ADAMTS19: variants seen among roughly 807,000 people sequenced by gnomAD.
The protein encoded by ADAMTS19 is ADAM metallopeptidase with thrombospondin type 1 motif 19.
Under a neutral mutation model 153.3 loss-of-function variants are expected in ADAMTS19, and 93 were observed. That is an observed-to-expected ratio of 0.61 (90% CI 0.51 to 0.72). The LOEUF is 0.72. ADAMTS19 is among the 30% of genes least tolerant of loss of function. ADAMTS19 has a pLI of 0.00. For missense variants in ADAMTS19, 1,482 were observed against 1,552.1 expected, an observed-to-expected ratio of 0.95 and a Z score of 0.76; for synonymous variants, 600 against 556.6, an observed-to-expected ratio of 1.08 and a Z score of -1.10.
At chr5:129,503,071 G>A (rs1049970111) in intron 2 of ADAMTS19, among the ~76,000 whole-genome samples, 1 of 152,168 alleles carries the variant, frequency 6.6e-6, no homozygotes, top group Admixed American at 6.6e-5. Context: ...ATGTAATCAT[G>A]CAACTAAAGG....
At position 129,736,919 on chromosome 5, in the gene ADAMTS19, GTA is replaced by G. The variant is rs1218345821; in HGVS notation, c.3491-146_3491-145del. On this transcript the variant is annotated intron_variant, in intron 22 of 22. Transcript: ENST00000274487. The stretch of plus-strand genomic sequence containing the variant: ...AATCATAGGAGGTGTGTATGTGTGT[GTA>G]TCTCTTTCTTGTTTAAATTCCAGAA... 1.2e-3 allele frequency: 704 copies of G among 596,310 alleles called. 8 individuals carry two copies. The highest frequency in any genetic ancestry group is 1.4e-4 in the Non-Finnish European group (56 of 387,334). The allele number at this position is 596,310 out of a possible 1,614,324, so 36.9% of individuals were successfully genotyped here.
chr5:129,712,276 A>C (rs1756518354), intron 21 of ADAMTS19, among the ~76,000 whole-genome samples: 1 of 152,206 alleles, frequency 6.6e-6, no homozygotes, highest in Admixed American at 6.5e-5. Flanking sequence ...TCATCTAAAG[A>C]AATCAAAGAT....
chr5:129,472,805 T>C (rs965165853), intron 2 of ADAMTS19, among the ~76,000 whole-genome samples: 2 of 150,130 alleles, frequency 1.3e-5, no homozygotes, highest in Middle Eastern at 3.3e-3. Flanking sequence ...TTTATATTTA[T>C]GTATTATCTA....
intron 7 of ADAMTS19, among the ~76,000 whole-genome samples, chr5:129,591,624 T>G (rs1019819949): frequency 1.3e-5 from 2 of 152,014 alleles, no homozygotes; most frequent in African/African-American, 4.8e-5. Flanking sequence ...TACTCAGCAT[T>G]TTTGCACCTT....
At chr5:129,540,717 A>G (rs554076885) in intron 6 of ADAMTS19, among the ~76,000 whole-genome samples, 30 of 152,220 alleles carry the variant, frequency 2.0e-4, no homozygotes, top group African/African-American at 7.2e-4. Flanking sequence ...CCCAGGCACT[A>G]TTAAACTCTA....
chr5:129,617,585 G>A (rs181626634), intron 8 of ADAMTS19, among the ~76,000 whole-genome samples: 1 of 152,004 alleles, frequency 6.6e-6, no homozygotes, highest in Admixed American at 6.6e-5. Context: ...AGTCAAGCAC[G>A]TTCCACATGG....
chr5:129,538,409 T>C (rs1216943691), intron 6 of ADAMTS19, among the ~76,000 whole-genome samples: 1 of 152,136 alleles, frequency 6.6e-6, no homozygotes, highest in East Asian at 1.9e-4. Context: ...TTATTCCTTA[T>C]TTCCAATGCC....
At chr5:129,723,142 A>G (rs1052048629) in intron 21 of ADAMTS19, among the ~76,000 whole-genome samples, 1 of 152,206 alleles carries the variant, frequency 6.6e-6, no homozygotes, top group Non-Finnish European at 1.5e-5. Context: ...ATAAGAGATC[A>G]TGTCTGTATC....
intron 6 of ADAMTS19, among the ~76,000 whole-genome samples, chr5:129,549,267 C>A (rs1365691878): frequency 1.3e-5 from 2 of 150,344 alleles, no homozygotes; most frequent in Non-Finnish European, 3.0e-5. Context: ...CCAAACATAT[C>A]AATAATAGAA....
At chr5:129,516,009 T>A (rs576870826) in intron 3 of ADAMTS19, among the ~76,000 whole-genome samples, 1 of 151,956 alleles carries the variant, frequency 6.6e-6, no homozygotes, top group Non-Finnish European at 1.5e-5. Context: ...ATGTTGAATT[T>A]TATGAAATGC....
At chr5:129,477,541 T>C (rs1206041682) in intron 2 of ADAMTS19, among the ~76,000 whole-genome samples, 5 of 152,194 alleles carry the variant, frequency 3.3e-5, no homozygotes, top group Admixed American at 2.0e-4. Context: ...TGGAAACCCC[T>C]ATTTTCATTT....
intron 2 of ADAMTS19, among the ~76,000 whole-genome samples, chr5:129,503,864 G>A (rs114618727): frequency 9.2e-5 from 14 of 152,120 alleles, no homozygotes; most frequent in Non-Finnish European, 1.6e-4. Flanking sequence ...TTCAGATCAT[G>A]TACTGCATCA....
intron 2 of ADAMTS19, among the ~76,000 whole-genome samples, chr5:129,469,142 T>C (rs189376387): frequency 1.3e-5 from 2 of 152,124 alleles, no homozygotes; most frequent in East Asian, 3.9e-4. Flanking sequence ...TATATTAGTA[T>C]TTTAAAAAGA....
chr5:129,636,503 C>A (rs1339359857), intron 10 of ADAMTS19, among the ~76,000 whole-genome samples: 1 of 152,170 alleles, frequency 6.6e-6, no homozygotes, highest in Non-Finnish European at 1.5e-5. Flanking sequence ...TTTAACACTT[C>A]CTGATGTAAC....
intron 6 of ADAMTS19, among the ~76,000 whole-genome samples, chr5:129,535,612 T>G (rs1331094963): frequency 6.6e-6 from 1 of 152,130 alleles, no homozygotes; most frequent in Non-Finnish European, 1.5e-5. Flanking sequence ...AAGTCAATCC[T>G]AAGCCAAAAG....
At chr5:129,543,255 T>C (rs993664712) in intron 6 of ADAMTS19, among the ~76,000 whole-genome samples, 1 of 151,936 alleles carries the variant, frequency 6.6e-6, no homozygotes, top group Admixed American at 6.6e-5. Context: ...TTTCTCCATG[T>C]TGGTCAGGCT....
chr5:129,695,386 C>T (rs141482250), intron 19 of ADAMTS19, among the ~76,000 whole-genome samples: 170 of 152,182 alleles, frequency 1.1e-3, no homozygotes, highest in African/African-American at 3.8e-3. Flanking sequence ...GTTACTGTAC[C>T]ACAGATGCTT....
At chr5:129,506,937 A>G (rs1317071653) in intron 2 of ADAMTS19, among the ~76,000 whole-genome samples, 1 of 151,998 alleles carries the variant, frequency 6.6e-6, no homozygotes, top group Admixed American at 6.6e-5. Flanking sequence ...AAATAACCCT[A>G]TGAAGTTGGG....
chr5:129,618,224 T>G (rs1442652424), intron 8 of ADAMTS19, among the ~76,000 whole-genome samples: 1 of 152,088 alleles, frequency 6.6e-6, no homozygotes, highest in Non-Finnish European at 1.5e-5. Flanking sequence ...TTTTTCCTCT[T>G]TATCTTCAAA....
Sources: allele counts gnomAD v4.1 joint callset (sites outside exome capture counted in the v4.1 genomes callset), GRCh38; gene constraint gnomAD v4.1.1; transcripts MANE v1.5; gene names NCBI Gene and HGNC (gene_info 2026-07-23, HGNC 2026-07-21).